RELCH: variants seen among roughly 807,000 people sequenced by gnomAD.
RELCH encodes the protein RAB11 binding and LisH domain, coiled-coil and HEAT repeat containing, also known as RAB11-binding protein RELCH.
A neutral mutation model predicts 150.3 loss-of-function variants in RELCH; 41 were observed. That is an observed-to-expected ratio of 0.27 (90% CI 0.21 to 0.35). The LOEUF (loss-of-function observed/expected upper bound fraction) is 0.35. RELCH is among the 10% of genes least tolerant of loss of function. The pLI is 1.00. For synonymous variants in RELCH, 478 were observed against 531.8 expected, an observed-to-expected ratio of 0.90 and a Z score of 1.39; for missense variants, 1,092 against 1,467.8, an observed-to-expected ratio of 0.74 and a Z score of 4.18.
chr18:62,276,002 A>G (rs1048871113), intron 22 of RELCH, among the ~76,000 whole-genome samples: 4 of 152,172 alleles, frequency 2.6e-5, no homozygotes, highest in Admixed American at 6.6e-5. Context: ...AGACCAGGTA[A>G]TTTACCTAAA....
chr18:62,256,555 GA>G (rs2043001621), intron 13 of RELCH, among the ~76,000 whole-genome samples: 1 of 152,006 alleles, frequency 6.6e-6, no homozygotes, highest in Non-Finnish European at 1.5e-5. Flanking sequence ...TCTGATCCTA[GA>G]ATACTAAGCA....
chr18:62,245,857 T>G (rs897903960), intron 11 of RELCH: 7 of 152,178 alleles, frequency 4.6e-5, no homozygotes, highest in African/African-American at 1.4e-4. Flanking sequence ...GATTAGATTA[T>G]GCCCAAACCC....
At chr18:62,257,848 C>A in intron 13 of RELCH, 100 bp from the exon 14 acceptor site, 1 of 887,282 alleles carries the variant, frequency 1.1e-6, no homozygotes, top group Non-Finnish European at 1.7e-6. Flanking sequence ...ATGTTAATAC[C>A]TGTTTAATCT....
chr18:62,220,939 T>C, intron 2 of RELCH, 98 bp from the exon 3 acceptor site: 1 of 897,874 alleles, frequency 1.1e-6, no homozygotes, highest in South Asian at 1.5e-5. Context: ...ACAAATTGTA[T>C]TTTTTTTTCA....
At chr18:62,194,905 A>T (rs892213474) in intron 1 of RELCH, among the ~76,000 whole-genome samples, 1 of 152,174 alleles carries the variant, frequency 6.6e-6, no homozygotes, top group Non-Finnish European at 1.5e-5. Flanking sequence ...TTTAAGAACA[A>T]TGCAATCCTA....
chr18:62,266,969 T>C, intron 19 of RELCH, among the ~76,000 whole-genome samples: 1 of 151,958 alleles, frequency 6.6e-6, no homozygotes, highest in East Asian at 1.9e-4. Flanking sequence ...TGTGAATATA[T>C]ACCTTCATTG....
At chr18:62,301,342 C>A (rs903855851) in intron 28 of RELCH, among the ~76,000 whole-genome samples, 2 of 152,126 alleles carry the variant, frequency 1.3e-5, no homozygotes, top group Non-Finnish European at 2.9e-5. Flanking sequence ...CAGGTGGTGG[C>A]AAACTTTTTT....
chr18:62,305,743 T>G lies in RELCH; in HGVS notation c.*209T>G. The G allele has an allele frequency of 2.9e-6, 1 of 350,564 alleles. No individual in the cohort carries two copies. Among genetic ancestry groups the G allele is most frequent in the Middle Eastern group, 5.0e-4 (1 of 1,988 alleles). The allele number at this position is 350,564 out of a possible 1,614,324, so 21.7% of individuals were successfully genotyped here. A position where few individuals can be genotyped will look rare whatever the true frequency, so the allele number is the denominator to read the frequency against. On this transcript the variant is annotated 3_prime_UTR_variant, in exon 29 of 29. Coordinates refer to ENST00000644646, the MANE Select transcript of RELCH (RefSeq NM_001346231.2). This position sits in a 1 kb window ranked among gnomAD's most constrained non-coding sequence, Gnocchi z 4.0. The stretch of plus-strand genomic sequence containing the variant: ...ACAACTGTGGTGATAGAAAATTGAG[T>G]TGATGGTCTGTACCAAGTCCCTTGT...
At position 62,282,514 on chromosome 18, in the gene RELCH, C is replaced by T. The variant is rs1354421247; in HGVS notation, c.3253+70C>T. ...TCAAAGCTAGACACTCCTCTGAGGC[C>T]TTGTCATGTATTAAAATTTTGGTGC... On this transcript the variant is annotated intron_variant, in intron 25 of 28. Coordinates refer to ENST00000644646, the MANE Select transcript of RELCH (RefSeq NM_001346231.2). The T allele has an allele frequency of 4.8e-6, 7 of 1,471,304 alleles. No individual in the cohort carries two copies. In the South Asian group the frequency reaches 4.8e-5, roughly 10 times the overall value. The allele number at this position is 1,471,304 out of a possible 1,614,324, so 91.1% of individuals were successfully genotyped here.
chr18:62,208,080 C>T (rs547368390), intron 1 of RELCH, among the ~76,000 whole-genome samples: 4 of 152,146 alleles, frequency 2.6e-5, no homozygotes, highest in Non-Finnish European at 4.4e-5. Flanking sequence ...TTTACTACAA[C>T]CATCTAGTTG....
intron 13 of RELCH, 123 bp from the exon 14 acceptor site, chr18:62,257,825 A>AT: frequency 1.3e-6 from 1 of 746,176 alleles, no homozygotes; most frequent in Non-Finnish European, 2.1e-6. Flanking sequence ...GTTAGTCAGC[A>AT]TTTTTAATAA....
chr18:62,210,028 T>C (rs1020072412), intron 1 of RELCH, among the ~76,000 whole-genome samples: 1 of 152,190 alleles, frequency 6.6e-6, no homozygotes, highest in African/African-American at 2.4e-5. Context: ...GTTTCTTATA[T>C]ATAACATCAT....
At chr18:62,205,390 G>A (rs1417531841) in intron 1 of RELCH, among the ~76,000 whole-genome samples, 1 of 151,986 alleles carries the variant, frequency 6.6e-6, no homozygotes, top group Non-Finnish European at 1.5e-5. Context: ...ACCCCTTCTA[G>A]CCCTTTACCA....
At chr18:62,227,061 C>T (rs766557339) in intron 5 of RELCH, among the ~76,000 whole-genome samples, 44 of 151,478 alleles carry the variant, frequency 2.9e-4, no homozygotes, top group Non-Finnish European at 5.3e-4. Context: ...GGCACAGTGG[C>T]GGGTGCTTGT....
At chr18:62,230,822 G>C (rs1001789733) in intron 8 of RELCH, among the ~76,000 whole-genome samples, 5 of 151,946 alleles carry the variant, frequency 3.3e-5, no homozygotes, top group Non-Finnish European at 5.9e-5. Flanking sequence ...CTTTACCTTT[G>C]TGTTTACCTT....
intron 19 of RELCH, 82 bp downstream of exon 19, chr18:62,266,831 T>G (rs1285730604): frequency 1.1e-5 from 9 of 826,574 alleles, no homozygotes; most frequent in Non-Finnish European, 1.7e-5. Context: ...ATATGTAAAT[T>G]GTATAAATGA....
intron 1 of RELCH, among the ~76,000 whole-genome samples, chr18:62,201,388 T>G (rs1344999768): frequency 6.6e-6 from 1 of 152,082 alleles, no homozygotes; most frequent in Non-Finnish European, 1.5e-5. Flanking sequence ...ATTATAAATT[T>G]CTTTCTCATG....
intron 1 of RELCH, among the ~76,000 whole-genome samples, chr18:62,197,674 A>G (rs2039137819): frequency 6.6e-6 from 1 of 152,212 alleles, no homozygotes; most frequent in Non-Finnish European, 1.5e-5. Context: ...AATACCCATT[A>G]CAATTGAATA....
chr18:62,301,189 G>T (rs1432524894), intron 28 of RELCH, among the ~76,000 whole-genome samples: 1 of 152,168 alleles, frequency 6.6e-6, no homozygotes, highest in Non-Finnish European at 1.5e-5. Context: ...TTACAGAGGA[G>T]CGTGTTTGGG....
Sources: allele counts gnomAD v4.1 joint callset (sites outside exome capture counted in the v4.1 genomes callset), GRCh38; gene constraint gnomAD v4.1.1; non-coding constraint Gnocchi (gnomAD v3.1); transcripts MANE v1.5; gene names NCBI Gene and HGNC (gene_info 2026-07-23, HGNC 2026-07-21).